Variants in CTNNA3 observed in about 807,000 individuals in gnomAD.
CTNNA3 encodes the protein catenin alpha-3.
In CTNNA3, 76 loss-of-function variants were observed where a neutral mutation model predicts 95.7. The observed-to-expected ratio is 0.79, with a 90% CI of 0.66 to 0.96. The LOEUF (loss-of-function observed/expected upper bound fraction) is 0.96. Among genes scored for constraint, CTNNA3 ranks in the 40% least tolerant of loss-of-function variants. The pLI is 0.00. For missense variants in CTNNA3, 1,191 were observed against 1,089.8 expected, an observed-to-expected ratio of 1.09 and a Z score of -1.31; for synonymous variants, 431 against 374.4, an observed-to-expected ratio of 1.15 and a Z score of -1.74.
At chr10:67,696,477 C>G (rs1399506125), upstream of CTNNA3, among the ~76,000 whole-genome samples, 1 of 152,150 alleles carries the variant, frequency 6.6e-6, no homozygotes. Flanking sequence ...ATCAAAAGAT[C>G]AATTATGTAA....
At chr10:66,310,018 G>A (rs1431268877) in intron 12 of CTNNA3, among the ~76,000 whole-genome samples, 1 of 151,182 alleles carries the variant, frequency 6.6e-6, no homozygotes, top group Non-Finnish European at 1.5e-5. Flanking sequence ...CAGCTACTTG[G>A]GAGGCTGAGG....
At chr10:66,937,870 C>G (rs1441744601) in intron 7 of CTNNA3, among the ~76,000 whole-genome samples, 2 of 152,122 alleles carry the variant, frequency 1.3e-5, no homozygotes, top group South Asian at 2.1e-4. Context: ...TCTTATTAAT[C>G]TTTTCCTTCC....
chr10:66,174,464 T>C (rs7076331), intron 13 of CTNNA3, among the ~76,000 whole-genome samples: 21,501 of 152,074 alleles, frequency 0.14, 2,458 homozygotes, highest in African/African-American at 0.32. Context: ...ATCTAGTACA[T>C]AGTAGGCATT....
intron 7 of CTNNA3, among the ~76,000 whole-genome samples, chr10:67,016,029 T>A (rs201688618): frequency 1.3e-5 from 1 of 76,338 alleles, no homozygotes; most frequent in Admixed American, 1.9e-4. Flanking sequence ...TGCTGTATAC[T>A]CTCTTCTTTG....
chr10:66,781,968 A>G (rs1840553412), intron 7 of CTNNA3, among the ~76,000 whole-genome samples: 1 of 152,164 alleles, frequency 6.6e-6, no homozygotes, highest in African/African-American at 2.4e-5. Context: ...TTAAGCCACC[A>G]TACCATGACA....
rs145425440 is a variant in CTNNA3 at position 67,504,185 on chromosome 10, G to C, written c.579+17657C>G. ...AAAAAAAAAACAGGTCGGTGCCAAG[G>C]CTCATGCCTGTAATCCCAGAACTTG... is the stretch of plus-strand genomic sequence containing the variant. On this transcript the variant is annotated intron_variant, in intron 5 of 17. Transcript: ENST00000433211. 5.4e-3 allele frequency among the ~76,000 whole-genome samples: 809 copies of C among 149,080 alleles called. 4 individuals carry two copies. The highest frequency in any genetic ancestry group is 0.018 in the Middle Eastern group (5 of 276).
intron 15 of CTNNA3, among the ~76,000 whole-genome samples, chr10:66,020,965 A>G (rs74143652): frequency 6.6e-6 from 1 of 152,210 alleles, no homozygotes; most frequent in Non-Finnish European, 1.5e-5. Context: ...GAGCCACTGC[A>G]TCCGGCCGAT....
intron 5 of CTNNA3, among the ~76,000 whole-genome samples, chr10:67,411,854 C>T (rs1845378394): frequency 6.6e-6 from 1 of 151,996 alleles, no homozygotes; most frequent in Admixed American, 6.6e-5. Flanking sequence ...CAAAATATTT[C>T]TGTCTTGCAT....
At chr10:67,171,285 T>C (rs1337890566) in intron 7 of CTNNA3, among the ~76,000 whole-genome samples, 1 of 152,110 alleles carries the variant, frequency 6.6e-6, no homozygotes, top group East Asian at 1.9e-4. Context: ...AATATTTTGG[T>C]ACTTCTAGGC....
intron 7 of CTNNA3, among the ~76,000 whole-genome samples, chr10:66,862,106 C>T (rs112016912): frequency 0.12 from 18,115 of 151,950 alleles, 1,290 homozygotes; most frequent in Non-Finnish European, 0.16. Flanking sequence ...CCCAGCTGCT[C>T]GGGAGGCTGA....
At chr10:66,525,635 G>T (rs184732962) in intron 10 of CTNNA3, among the ~76,000 whole-genome samples, 5 of 152,270 alleles carry the variant, frequency 3.3e-5, no homozygotes, top group Admixed American at 3.3e-4. Flanking sequence ...GAGAGTGTGT[G>T]TGTGTGCATG....
intron 1 of CTNNA3, among the ~76,000 whole-genome samples, chr10:67,655,155 T>C (rs1014901702): frequency 6.6e-6 from 1 of 152,192 alleles, no homozygotes; most frequent in African/African-American, 2.4e-5. Flanking sequence ...TACACACAGG[T>C]GTGCACATTC....
At chr10:66,477,705 T>G (rs7910567) in intron 11 of CTNNA3, among the ~76,000 whole-genome samples, 4,962 of 152,162 alleles carry the variant, frequency 0.033, 268 homozygotes, top group African/African-American at 0.11. Context: ...TGCCTGGATC[T>G]TAGGGCAATA....
In CTNNA3 at chr10:67,656,962, C is replaced by A. The variant is rs150389724; in HGVS notation, c.-5-9444G>T. Among the ~76,000 whole-genome samples, 7 of 152,150 alleles carry A rather than the reference C, an allele frequency of 4.6e-5. No homozygotes were observed. The East Asian group carries it at 1.4e-3, about 29-fold the overall frequency. On this transcript the variant is annotated intron_variant, in intron 1 of 17. Transcript: ENST00000433211. ...TCACTCTGGTGAATAGAACGAAGTA[C>A]GAAGGGCAAAAGAAAAAATAGGGAC...
At chr10:67,526,054 C>A (rs1484604748) in intron 4 of CTNNA3, among the ~76,000 whole-genome samples, 2 of 151,956 alleles carry the variant, frequency 1.3e-5, no homozygotes, top group African/African-American at 2.4e-5. Context: ...GAGCCTAAAG[C>A]AGAAGGAAAG....
chr10:67,530,034 C>T (rs1840279548), intron 4 of CTNNA3, among the ~76,000 whole-genome samples: 1 of 152,208 alleles, frequency 6.6e-6, no homozygotes, highest in Admixed American at 6.5e-5. Context: ...TCAGATGTGA[C>T]TTGCTCCTCC....
intron 13 of CTNNA3, among the ~76,000 whole-genome samples, chr10:66,217,840 G>T (rs1474875974): frequency 6.6e-6 from 1 of 152,134 alleles, no homozygotes; most frequent in Non-Finnish European, 1.5e-5. Context: ...GATAGCGGGA[G>T]GTCCAGCGAA....
intron 13 of CTNNA3, among the ~76,000 whole-genome samples, chr10:66,124,088 G>T (rs10996917): frequency 6.6e-6 from 1 of 151,974 alleles, no homozygotes; most frequent in African/African-American, 2.4e-5. Context: ...CTTTTCTATC[G>T]CATTGTCAGG....
intron 7 of CTNNA3, among the ~76,000 whole-genome samples, chr10:66,861,683 A>G (rs1030440327): frequency 2.0e-5 from 3 of 152,204 alleles, no homozygotes; most frequent in African/African-American, 4.8e-5. Context: ...TGAGCCCATC[A>G]TATTTGTTGT....
Sources: gnomAD v4.1 joint callset for allele counts (sites outside exome capture counted in the v4.1 genomes callset) on GRCh38, gnomAD v4.1.1 for gene constraint, MANE v1.5 for transcripts, NCBI Gene and HGNC (gene_info 2026-07-23, HGNC 2026-07-21) for gene names.